Variants in EPHB1 observed in about 807,000 individuals in gnomAD.
EPHB1 encodes ephrin type-B receptor 1.
A neutral mutation model predicts 94.4 loss-of-function variants in EPHB1; 30 were observed. The ratio of observed to expected loss-of-function variants is 0.32; its 90% confidence interval spans 0.24 to 0.43. EPHB1 has a LOEUF of 0.43. EPHB1 is among the 20% of genes least tolerant of loss of function. EPHB1 has a pLI of 1.00. For synonymous variants in EPHB1, 522 were observed against 489.1 expected (o/e 1.07, Z -0.89); for missense variants, 1,055 against 1,308.3 (o/e 0.81, Z 2.99).
intron 1 of EPHB1, among the ~76,000 whole-genome samples, chr3:134,877,396 C>T (rs972080107): frequency 2.0e-5 from 3 of 152,168 alleles, no homozygotes; most frequent in Admixed American, 6.5e-5. Flanking sequence ...CCCCCTGACC[C>T]CCACAGCAGG....
At chr3:135,015,530 C>T (rs1935771053) in intron 3 of EPHB1, among the ~76,000 whole-genome samples, 2 of 152,290 alleles carry the variant, frequency 1.3e-5, no homozygotes, top group African/African-American at 4.8e-5. Context: ...GTGTGAGCCA[C>T]CATGCCCAGC....
intron 10 of EPHB1, among the ~76,000 whole-genome samples, chr3:135,183,798 A>G (rs779071744): frequency 2.6e-5 from 4 of 152,248 alleles, no homozygotes; most frequent in Non-Finnish European, 4.4e-5. Flanking sequence ...GCCTGTGGGT[A>G]AGTACTGAAC....
At chr3:134,988,647 C>T (rs1222858153) in intron 3 of EPHB1, among the ~76,000 whole-genome samples, 1 of 152,184 alleles carries the variant, frequency 6.6e-6, no homozygotes, top group Non-Finnish European at 1.5e-5. Context: ...ATACATGGTA[C>T]AAGTATTCAG....
At chr3:135,007,492 C>T (rs571781112) in intron 3 of EPHB1, among the ~76,000 whole-genome samples, 6 of 152,210 alleles carry the variant, frequency 3.9e-5, no homozygotes, top group East Asian at 1.9e-4. Context: ...CACTGTTGTT[C>T]GTATTATCTT....
At chr3:135,221,810 CTAA>C (rs1439752840) in intron 12 of EPHB1, among the ~76,000 whole-genome samples, 1 of 152,038 alleles carries the variant, frequency 6.6e-6, no homozygotes, top group Non-Finnish European at 1.5e-5. Context: ...AAGTAAACCC[CTAA>C]TGTCCTAAAA....
chr3:135,020,223 TGG>T (rs911899218), intron 3 of EPHB1, among the ~76,000 whole-genome samples: 10 of 152,266 alleles, frequency 6.6e-5, no homozygotes, highest in Non-Finnish European at 1.0e-4. Flanking sequence ...TTCTTCCCGT[TGG>T]TTATTTGCCA....
chr3:135,155,610 C>T (rs1232003340), intron 6 of EPHB1, among the ~76,000 whole-genome samples: 3 of 151,732 alleles, frequency 2.0e-5, no homozygotes, highest in African/African-American at 7.3e-5. Context: ...TCAAGACTAG[C>T]CTGACCAACA....
At chr3:134,828,938 G>T (rs758538507) in intron 1 of EPHB1, among the ~76,000 whole-genome samples, 3 of 152,224 alleles carry the variant, frequency 2.0e-5, no homozygotes, top group Non-Finnish European at 4.4e-5. Context: ...GAGTGGCTGA[G>T]ACATGAGCTG....
At chr3:135,106,651 G>C (rs1222464113) in intron 4 of EPHB1, 48 bp downstream of exon 4, 2 of 1,605,216 alleles carry the variant, frequency 1.2e-6, no homozygotes, top group Admixed American at 1.7e-5. Flanking sequence ...GTTCCCTGAT[G>C]GTGCAAGTGG....
intron 3 of EPHB1, among the ~76,000 whole-genome samples, chr3:135,052,931 GTA>G (rs1227209038): frequency 1.6e-4 from 15 of 93,820 alleles, no homozygotes; most frequent in Admixed American, 6.0e-4. Flanking sequence ...GTGTGTGTGT[GTA>G]TATATGTGTG....
At chr3:135,061,872 T>A (rs1937515886) in intron 3 of EPHB1, among the ~76,000 whole-genome samples, 1 of 152,180 alleles carries the variant, frequency 6.6e-6, no homozygotes, top group African/African-American at 2.4e-5. Context: ...CTTGCGATAG[T>A]TTGCTGCGAA....
chr3:134,932,822 C>A (rs1255871170), intron 2 of EPHB1, among the ~76,000 whole-genome samples: 1 of 152,116 alleles, frequency 6.6e-6, no homozygotes, highest in Non-Finnish European at 1.5e-5. Flanking sequence ...TAGCTCTGGG[C>A]AAAATGGTTT....
intron 3 of EPHB1, among the ~76,000 whole-genome samples, chr3:134,956,461 C>T (rs67200399): frequency 0.038 from 5,851 of 152,166 alleles, 164 homozygotes; most frequent in African/African-American, 0.07. Flanking sequence ...TGCCTCTGCC[C>T]CTGCCCCAGG....
chr3:134,956,730 A>C (rs762584778), intron 3 of EPHB1, among the ~76,000 whole-genome samples: 2 of 152,134 alleles, frequency 1.3e-5, no homozygotes, highest in African/African-American at 4.8e-5. Context: ...GTGAAAATGG[A>C]TATGAGAATA....
chr3:135,058,366 G>T (rs1018306855), intron 3 of EPHB1, among the ~76,000 whole-genome samples: 1 of 152,166 alleles, frequency 6.6e-6, no homozygotes, highest in Non-Finnish European at 1.5e-5. Flanking sequence ...CTCCTCTCCT[G>T]TCCCTTCCCT....
At chr3:135,021,768 A>G (rs1463353651) in intron 3 of EPHB1, among the ~76,000 whole-genome samples, 1 of 152,208 alleles carries the variant, frequency 6.6e-6, no homozygotes, top group Non-Finnish European at 1.5e-5. Context: ...TGTTTCATCA[A>G]TAAGAATTGT....
chr3:135,070,905 C>G (rs1054086254), intron 3 of EPHB1, among the ~76,000 whole-genome samples: 1 of 152,122 alleles, frequency 6.6e-6, no homozygotes, highest in Non-Finnish European at 1.5e-5. Flanking sequence ...GAGATCAGAT[C>G]ATAAGCTCTT....
At chr3:134,986,565 T>G (rs1254345370) in intron 3 of EPHB1, among the ~76,000 whole-genome samples, 2 of 152,114 alleles carry the variant, frequency 1.3e-5, no homozygotes, top group Admixed American at 1.3e-4. Flanking sequence ...CATTTACGCA[T>G]CTGGAGGATG....
rs569057579 is a variant in EPHB1 at position 135,047,118 on chromosome 3, C to T, written c.806-59330C>T. On this transcript the variant is annotated intron_variant, in intron 3 of 15. Transcript: ENST00000398015. ...GATGAAAGCCTGTTGACCATTAGCC[C>T]GGCAGGTTCACTTCTCCTACATAGT... 7.8e-4 allele frequency among the ~76,000 whole-genome samples: 119 copies of T among 152,150 alleles called. 1 individual carries two copies. Among genetic ancestry groups the T allele is most frequent in the African/African-American group, 2.6e-3 (109 of 41,502 alleles).
Sources: allele counts gnomAD v4.1 joint callset (sites outside exome capture counted in the v4.1 genomes callset), GRCh38; gene constraint gnomAD v4.1.1; transcripts MANE v1.5; gene names NCBI Gene and HGNC (gene_info 2026-07-23, HGNC 2026-07-21).